Variants in RERE observed in about 807,000 individuals in gnomAD.
RERE encodes the protein arginine-glutamic acid dipeptide repeats.
In RERE, 40 loss-of-function variants were observed where a neutral mutation model predicts 146.1. The observed-to-expected ratio is 0.27, with a 90% CI of 0.21 to 0.36. RERE has a LOEUF of 0.36. Ranked by LOEUF, RERE falls within the 10% of genes least tolerant of loss-of-function variation. The probability of loss-of-function intolerance (pLI) is 1.00; values close to 1 mark genes in which losing one functional copy is unlikely to be tolerated. For missense variants in RERE, 1,933 were observed against 2,138.7 expected, an observed-to-expected ratio of 0.90 and a Z score of 1.90; for synonymous variants, 1,003 against 866.0, an observed-to-expected ratio of 1.16 and a Z score of -2.78.
intron 11 of RERE, among the ~76,000 whole-genome samples, chr1:8,428,793 A>G (rs74049636): frequency 0.015 from 2,281 of 152,330 alleles, 59 homozygotes; most frequent in African/African-American, 0.052. Flanking sequence ...TGGAATAAAA[A>G]TAACAATAAC....
At chr1:8,726,284 T>C (rs983679264) in intron 1 of RERE, among the ~76,000 whole-genome samples, 26 of 150,704 alleles carry the variant, frequency 1.7e-4, no homozygotes, top group African/African-American at 6.4e-4. Context: ...CCTGAGTAGC[T>C]GGGATTACAA....
At chr1:8,519,502 A>T (rs1456485434) in intron 7 of RERE, among the ~76,000 whole-genome samples, 2 of 152,194 alleles carry the variant, frequency 1.3e-5, no homozygotes, top group Non-Finnish European at 2.9e-5. Flanking sequence ...GACACAATTA[A>T]ATCTAATTCC....
At chr1:8,687,318 T>C (rs1017024173) in intron 1 of RERE, among the ~76,000 whole-genome samples, 3 of 152,116 alleles carry the variant, frequency 2.0e-5, no homozygotes, top group Non-Finnish European at 1.5e-5. Context: ...CAAGATGTGG[T>C]AGGAGTCTGC....
chr1:8,564,870 G>GTGTGTGTGTGTATATA (rs1269710840), intron 4 of RERE, among the ~76,000 whole-genome samples: 8 of 127,340 alleles, frequency 6.3e-5, no homozygotes, highest in Non-Finnish European at 1.1e-4. Context: ...GTGTGTGTGT[G>GTGTGTGTGTGTATATA]TATATATATA....
chr1:8,576,985 C>T (rs773796177), intron 4 of RERE, among the ~76,000 whole-genome samples: 3 of 152,140 alleles, frequency 2.0e-5, no homozygotes, highest in Admixed American at 6.5e-5. Flanking sequence ...CTGGCTAACA[C>T]GGTGAAACCC....
rs573135224 is a variant in RERE, at chr1:8,516,227, G to GGAAAAAA, written c.831-7553_831-7552insTTTTTTC. On this transcript the variant is annotated intron_variant, in intron 7 of 22. Transcript: ENST00000400908. The stretch of plus-strand genomic sequence containing the variant: ...GGGACGGAGCAAGACTCTCTCAGAG[G>GGAAAAAA]AAAAAAAAAAAAAAAAAAAAAATCT... Among the ~76,000 whole-genome samples the GGAAAAAA allele has an allele frequency of 3.1e-4, 16 of 52,308 alleles. 2 individuals carry two copies. The highest frequency in any genetic ancestry group is 1.3e-3 in the African/African-American group (15 of 11,628). 34.3% of individuals were successfully genotyped at this position (52,308 alleles called of 152,430 possible). A position where few individuals can be genotyped will look rare whatever the true frequency, so the allele number is the denominator to read the frequency against.
intron 1 of RERE, among the ~76,000 whole-genome samples, chr1:8,703,473 C>T (rs1411268086): frequency 2.0e-5 from 3 of 151,768 alleles, no homozygotes; most frequent in Non-Finnish European, 4.4e-5. Context: ...CGGGCTGGAG[C>T]CCAGCCCGCT....
chr1:8,601,736 AACACACACACACACACAC>A (rs3082091), intron 4 of RERE, among the ~76,000 whole-genome samples: 19 of 140,902 alleles, frequency 1.3e-4, no homozygotes, highest in Non-Finnish European at 1.8e-4. Context: ...GTCCAAGGTC[AACACACACACACACACAC>A]ACACACACAC....
chr1:8,531,901 G>T (rs756006814), intron 7 of RERE, among the ~76,000 whole-genome samples: 9 of 152,134 alleles, frequency 5.9e-5, no homozygotes, highest in Non-Finnish European at 1.2e-4. Context: ...TAATCCAATT[G>T]TACATTTTAA....
chr1:8,662,488 C>T (rs1402742134), intron 1 of RERE, among the ~76,000 whole-genome samples: 1 of 152,116 alleles, frequency 6.6e-6, no homozygotes, highest in African/African-American at 2.4e-5. Context: ...TTGAGACCAA[C>T]CTGGGAAACA....
chr1:8,440,340 C>T (rs1195384945), intron 11 of RERE, among the ~76,000 whole-genome samples: 3 of 152,146 alleles, frequency 2.0e-5, no homozygotes, highest in African/African-American at 7.2e-5. Flanking sequence ...TGCCTGTAAT[C>T]CTAGCACTTT....
At chr1:8,427,347 C>T (rs946200394) in intron 11 of RERE, among the ~76,000 whole-genome samples, 6 of 152,152 alleles carry the variant, frequency 3.9e-5, no homozygotes, top group African/African-American at 1.4e-4. Flanking sequence ...ATGCTGGAGT[C>T]TCCCCAAAGC....
chr1:8,575,217 A>T (rs1646275844), intron 4 of RERE, among the ~76,000 whole-genome samples: 1 of 152,092 alleles, frequency 6.6e-6, no homozygotes, highest in Non-Finnish European at 1.5e-5. Flanking sequence ...TCAACACATA[A>T]TGTTAGTAAT....
At chr1:8,713,083 A>C (rs1034682073) in intron 1 of RERE, among the ~76,000 whole-genome samples, 1 of 152,228 alleles carries the variant, frequency 6.6e-6, no homozygotes, top group Non-Finnish European at 1.5e-5. Flanking sequence ...CTGAATCATA[A>C]ATCTTACAAG....
chr1:8,673,743 T>C (rs1223233578), intron 1 of RERE, among the ~76,000 whole-genome samples: 1 of 152,214 alleles, frequency 6.6e-6, no homozygotes, highest in Admixed American at 6.5e-5. Flanking sequence ...GTGAAAAAGC[T>C]TAAGGCTATA....
intron 8 of RERE, among the ~76,000 whole-genome samples, chr1:8,503,639 GTTA>G (rs1161597302): frequency 6.6e-6 from 1 of 152,112 alleles, no homozygotes; most frequent in Non-Finnish European, 1.5e-5. Context: ...TGTATATTAT[GTTA>G]TTATTTATCT....
At chr1:8,607,506 C>G (rs1026355446) in intron 4 of RERE, among the ~76,000 whole-genome samples, 1 of 137,510 alleles carries the variant, frequency 7.3e-6, no homozygotes, top group Non-Finnish European at 1.6e-5. Flanking sequence ...CTAGGAGAAG[C>G]CCCGCATATT....
At chr1:8,369,162 C>A (rs945881679) in intron 12 of RERE, among the ~76,000 whole-genome samples, 2 of 152,134 alleles carry the variant, frequency 1.3e-5, no homozygotes, top group African/African-American at 4.8e-5. Flanking sequence ...AAATGTGCCA[C>A]CGCACTCCAG....
At chr1:8,468,439 G>T (rs762168708) in intron 10 of RERE, among the ~76,000 whole-genome samples, 52 of 152,208 alleles carry the variant, frequency 3.4e-4, no homozygotes, top group Non-Finnish European at 7.2e-4. Flanking sequence ...CTGAATAAAA[G>T]GAAGAATTAC....
Sources: gnomAD v4.1 joint callset for allele counts (sites outside exome capture counted in the v4.1 genomes callset) on GRCh38, gnomAD v4.1.1 for gene constraint, MANE v1.5 for transcripts, NCBI Gene and HGNC (gene_info 2026-07-23, HGNC 2026-07-21) for gene names.